The following RAB9B variants were observed in gnomAD, a reference collection of about 807,000 sequenced individuals.
RAB9B encodes RAB9B, member RAS oncogene family, also known as ras-related protein Rab-9B.
Under a neutral mutation model 8.9 loss-of-function variants are expected in RAB9B, and 1 was observed. That is an observed-to-expected ratio of 0.11 (90% confidence interval 0.04 to 0.53). RAB9B has a LOEUF of 0.53. Ranked by LOEUF, RAB9B falls within the 20% of genes least tolerant of loss-of-function variation. The probability of loss-of-function intolerance (pLI) is 0.93; values close to 1 mark genes in which losing one functional copy is unlikely to be tolerated. For missense variants in RAB9B, 82 were observed against 152.9 expected (o/e 0.54, Z 2.45); for synonymous variants, 63 against 57.0 (o/e 1.10, Z -0.47).
chrX:103,825,806 G>A lies in RAB9B; in HGVS notation c.-22C>T. On this transcript the variant is annotated 5_prime_UTR_variant, in exon 3 of 3. Coordinates refer to ENST00000243298, the MANE Select transcript of RAB9B (RefSeq NM_016370.4). ...TCATTTTTGCAGCACCAGAAGGGAA[G>A]GAGTTTGTAACCAAGAGAACCTGAA... The A allele has an allele frequency of 8.7e-7, 1 of 1,143,426 alleles. No homozygotes were observed. Among genetic ancestry groups the A allele is most frequent in the Non-Finnish European group, 1.2e-6 (1 of 860,362 alleles). 94.2% of individuals were successfully genotyped at this position (1,143,426 alleles called of 1,213,427 possible). A position where few individuals can be genotyped will look rare whatever the true frequency, so the allele number is the denominator to read the frequency against.
the RAB9B span, among the ~76,000 whole-genome samples, chrX:103,793,750 T>C: frequency 1.8e-5 from 2 of 111,487 alleles, no homozygotes; most frequent in African/African-American, 6.5e-5. Context: ...GCATCTCCAG[T>C]CTATCAATTG....
chrX:103,787,954 G>A, the RAB9B span: 4 of 1,207,704 alleles, frequency 3.3e-6, no homozygotes, highest in Non-Finnish European at 4.5e-6. Flanking sequence ...CTGTGCTGAT[G>A]CCAGAATGTA....
chrX:103,819,904 A>G (rs148676456), downstream of RAB9B, among the ~76,000 whole-genome samples: 222 of 112,423 alleles, frequency 2.0e-3, 2 homozygotes, highest in East Asian at 0.021. Context: ...GTCCCCCTCC[A>G]AAATTCATAG....
the RAB9B span, chrX:103,780,357 G>C: frequency 3.6e-5 from 4 of 111,598 alleles, no homozygotes; most frequent in African/African-American, 1.3e-4. Flanking sequence ...CCAAGGATAA[G>C]TTTTAACAAT....
At chrX:103,785,651 G>A in the RAB9B span, 1 of 1,209,986 alleles carries the variant, frequency 8.3e-7, no homozygotes, top group Non-Finnish European at 1.1e-6. Context: ...ACTGGATTGT[G>A]TTTCTTTGGG....
the RAB9B span, among the ~76,000 whole-genome samples, chrX:103,808,533 C>T: frequency 1.8e-5 from 2 of 112,496 alleles, no homozygotes; most frequent in Non-Finnish European, 3.8e-5. Flanking sequence ...ATGTTTAGAT[C>T]GATACACATC....
the RAB9B span, among the ~76,000 whole-genome samples, chrX:103,815,549 T>C: frequency 8.9e-6 from 1 of 111,926 alleles, no homozygotes; most frequent in Non-Finnish European, 1.9e-5. Context: ...CTCTCACCAC[T>C]CCTATTCAAC....
At chrX:103,811,322 C>G in the RAB9B span, among the ~76,000 whole-genome samples, 1 of 111,585 alleles carries the variant, frequency 9.0e-6, no homozygotes. Context: ...CTCTCCATTC[C>G]AGGGAAATAG....
the RAB9B span, chrX:103,788,548 C>T: frequency 1.0e-6 from 1 of 987,241 alleles, no homozygotes; most frequent in Non-Finnish European, 1.4e-6. Flanking sequence ...AAGGGAGTAG[C>T]TAATACCATA....
the RAB9B span, among the ~76,000 whole-genome samples, chrX:103,807,786 G>A: frequency 9.0e-6 from 1 of 111,717 alleles, no homozygotes; most frequent in South Asian, 3.8e-4. Flanking sequence ...AAGCTGAATG[G>A]CACCTCTAGA....
chrX:103,776,759 A>G, the RAB9B span: 5 of 297,095 alleles, frequency 1.7e-5, no homozygotes, highest in African/African-American at 3.3e-4. Flanking sequence ...TAGGTGGGGA[A>G]AAGGGGAGGA....
chrX:103,777,061 TC>T, the RAB9B span: 1 of 1,054,580 alleles, frequency 9.5e-7, no homozygotes, highest in Non-Finnish European at 1.3e-6. Flanking sequence ...CAAGAGAATT[TC>T]CAACTTTGGG....
the RAB9B span, among the ~76,000 whole-genome samples, chrX:103,814,316 A>T: frequency 6.2e-5 from 7 of 112,140 alleles, no homozygotes; most frequent in Non-Finnish European, 1.3e-4. Context: ...TGGAAACTGA[A>T]CAACCTGCTC....
At chrX:103,795,123 C>T in the RAB9B span, among the ~76,000 whole-genome samples, 3 of 110,917 alleles carry the variant, frequency 2.7e-5, no homozygotes, top group Non-Finnish European at 5.7e-5. Context: ...TGGAGCTCAA[C>T]TAAAGACAGA....
chrX:103,821,511 G>A (rs1271166010), downstream of RAB9B, among the ~76,000 whole-genome samples: 2 of 111,773 alleles, frequency 1.8e-5, no homozygotes, highest in Admixed American at 1.9e-4. Flanking sequence ...AAAGATTTGT[G>A]TCCATAATTT....
At chrX:103,800,429 T>C in the RAB9B span, among the ~76,000 whole-genome samples, 1 of 111,654 alleles carries the variant, frequency 9.0e-6, no homozygotes, top group Non-Finnish European at 1.9e-5. Context: ...TTGGGTTCTT[T>C]TTCTTTCTCT....
the RAB9B span, among the ~76,000 whole-genome samples, chrX:103,807,262 A>G: frequency 8.9e-6 from 1 of 111,898 alleles, no homozygotes; most frequent in African/African-American, 3.2e-5. Flanking sequence ...TCCTCTTATT[A>G]TAACTGAAAC....
chrX:103,827,693 G>C (rs1278515145), intron 1 of RAB9B, among the ~76,000 whole-genome samples: 1 of 111,704 alleles, frequency 9.0e-6, no homozygotes, highest in Non-Finnish European at 1.9e-5. Flanking sequence ...TTGAGACAAG[G>C]TCTCATTCTG....
At chrX:103,812,480 C>T in the RAB9B span, among the ~76,000 whole-genome samples, 1 of 111,588 alleles carries the variant, frequency 9.0e-6, no homozygotes, top group African/African-American at 3.3e-5. Context: ...TTTCTTTGTT[C>T]TATTTAGTAT....
Sources: gnomAD v4.1 joint callset for allele counts (sites outside exome capture counted in the v4.1 genomes callset) on GRCh38, gnomAD v4.1.1 for gene constraint, MANE v1.5 for transcripts, NCBI Gene and HGNC (gene_info 2026-07-23, HGNC 2026-07-21) for gene names.